Variants in AMPH observed in about 807,000 individuals in gnomAD.
AMPH encodes amphiphysin, also known as amphiphysin (Stiff-Mann syndrome with breast cancer 128kD autoantigen).
Under a neutral mutation model 99.1 loss-of-function variants are expected in AMPH, and 49 were observed. The observed-to-expected ratio is 0.49, with a 90% confidence interval of 0.39 to 0.63. AMPH has a LOEUF of 0.63. Ranked by LOEUF, AMPH falls within the 20% of genes least tolerant of loss-of-function variation. The pLI is 0.00. For synonymous variants in AMPH, 314 were observed against 317.3 expected, an observed-to-expected ratio of 0.99 and a Z score of 0.11; for missense variants, 759 against 863.4, an observed-to-expected ratio of 0.88 and a Z score of 1.52.
At chr7:38,502,982 T>C (rs9639797) in intron 3 of AMPH, among the ~76,000 whole-genome samples, 16,068 of 152,238 alleles carry the variant, frequency 0.11, 1,235 homozygotes, top group East Asian at 0.28. Flanking sequence ...TGATACATCA[T>C]ATCCGTGGGC....
Position 38,421,686 on chromosome 7 carries a change from C to G in AMPH, c.1272+735G>C, listed in dbSNP as rs149393428. On this transcript the variant is annotated intron_variant, in intron 16 of 20. Transcript: ENST00000356264. The stretch of plus-strand genomic sequence containing the variant: ...AGGCAGGAGCTAGGATAAGTATGCA[C>G]TATTCCCATGAGAAAACCATAGTGC... Among the ~76,000 whole-genome samples, 608 of 152,338 alleles carry G rather than the reference C, an allele frequency of 4.0e-3. 1 individual carries two copies. Among genetic ancestry groups the G allele is most frequent in the African/African-American group, 0.014 (582 of 41,574 alleles).
chr7:38,460,793 C>A (rs1280911497), intron 11 of AMPH, among the ~76,000 whole-genome samples: 1 of 152,100 alleles, frequency 6.6e-6, no homozygotes, highest in Non-Finnish European at 1.5e-5. Flanking sequence ...TATTCAATAG[C>A]AGATTAGGGT....
At chr7:38,535,043 T>G (rs1486501047) in intron 1 of AMPH, 32 bp from the exon 2 acceptor site, 6 of 1,574,714 alleles carry the variant, frequency 3.8e-6, no homozygotes, top group Non-Finnish European at 5.2e-6. Flanking sequence ...ATGGTTTAAT[T>G]TAATAATGTT....
chr7:38,589,140 TCTG>T lies in AMPH; in HGVS notation c.69+42140_69+42142del. On this transcript the variant is annotated intron_variant, in intron 1 of 20. Transcript: ENST00000356264. ...CTAATAAATTTAATTGATATTGAAG[TCTG>T]ACTATCCAACATTAAAGTAGAAATA... Among the ~76,000 whole-genome samples, 3 of 152,346 alleles carry T rather than the reference TCTG, an allele frequency of 2.0e-5. No homozygotes were observed. The East Asian group carries it at 5.8e-4, about 29-fold the overall frequency.
chr7:38,593,654 C>T (rs2129058853), intron 1 of AMPH, among the ~76,000 whole-genome samples: 1 of 152,294 alleles, frequency 6.6e-6, no homozygotes, highest in South Asian at 2.1e-4. Flanking sequence ...CACTTTCATT[C>T]GTTCATCAAC....
chr7:38,628,045 A>G (rs1474146323), intron 1 of AMPH, among the ~76,000 whole-genome samples: 1 of 152,226 alleles, frequency 6.6e-6, no homozygotes, highest in Non-Finnish European at 1.5e-5. Flanking sequence ...ACAATTTAAA[A>G]GTAAATAGAA....
intron 3 of AMPH, among the ~76,000 whole-genome samples, chr7:38,496,240 G>T (rs911473780): frequency 2.0e-5 from 3 of 152,212 alleles, no homozygotes; most frequent in Admixed American, 6.5e-5. Flanking sequence ...GGGTTCAACT[G>T]TGAGAGAAAA....
chr7:38,466,270 A>G (rs1369365474), intron 7 of AMPH, 22 bp from the exon 8 acceptor site: 4 of 1,562,188 alleles, frequency 2.6e-6, no homozygotes, highest in Admixed American at 4.0e-5. Context: ...AAACACAAAG[A>G]GGAAAGAAGA....
At chr7:38,616,120 A>G (rs1295839536) in intron 1 of AMPH, among the ~76,000 whole-genome samples, 1 of 152,150 alleles carries the variant, frequency 6.6e-6, no homozygotes, top group African/African-American at 2.4e-5. Flanking sequence ...AATCATCTAC[A>G]CAGACACCAT....
intron 2 of AMPH, among the ~76,000 whole-genome samples, chr7:38,518,592 T>A (rs6952029): frequency 1.3e-5 from 2 of 152,208 alleles, no homozygotes; most frequent in Non-Finnish European, 2.9e-5. Context: ...TGTCTATTTA[T>A]CCCCTTTAGA....
At chr7:38,409,149 C>G (rs969203651) in intron 17 of AMPH, among the ~76,000 whole-genome samples, 3 of 152,250 alleles carry the variant, frequency 2.0e-5, no homozygotes, top group Admixed American at 6.5e-5. Context: ...CCCTTTGGGC[C>G]TAGCTGTGTA....
At chr7:38,508,732 T>C (rs11760251) in intron 2 of AMPH, among the ~76,000 whole-genome samples, 18,939 of 152,268 alleles carry the variant, frequency 0.12, 1,609 homozygotes, top group Non-Finnish European at 0.19. Flanking sequence ...CATTTTTCTC[T>C]TGAAAATGGC....
intron 6 of AMPH, 92 bp from the exon 7 acceptor site, chr7:38,475,508 G>T (rs1021173943): frequency 3.0e-5 from 24 of 798,360 alleles, no homozygotes; most frequent in Non-Finnish European, 2.0e-6. Flanking sequence ...TAGTCTTATG[G>T]CATCTTGGAA....
At chr7:38,523,382 T>C (rs931779218) in intron 2 of AMPH, among the ~76,000 whole-genome samples, 3 of 152,130 alleles carry the variant, frequency 2.0e-5, no homozygotes, top group African/African-American at 7.2e-5. Flanking sequence ...CAGGATTTCT[T>C]GGAAAAATAA....
chr7:38,466,330 A>T (rs1444021104), intron 7 of AMPH, 82 bp from the exon 8 acceptor site: 1 of 1,136,486 alleles, frequency 8.8e-7, no homozygotes, highest in Non-Finnish European at 1.3e-6. Flanking sequence ...AATGAAATGT[A>T]TGAAAACCCA....
At position 38,417,704 on chromosome 7, in the gene AMPH, C is replaced by T. The variant is rs577246973; in HGVS notation, c.1398+121G>A. The T allele has an allele frequency of 8.4e-5, 111 of 1,315,982 alleles. 1 individual carries two copies. The highest frequency in any genetic ancestry group is 7.1e-4 in the East Asian group (30 of 42,084). 81.5% of individuals were successfully genotyped at this position (1,315,982 alleles called of 1,614,324 possible). ...GAAGGCTATTTGAACCTGGGAGCTA[C>T]GACAGATATGGAGCATGTTTGGCCC... On this transcript the variant is annotated intron_variant, in intron 17 of 20. Transcript: ENST00000356264.
intron 1 of AMPH, among the ~76,000 whole-genome samples, chr7:38,569,038 A>C (rs1169917957): frequency 6.6e-6 from 1 of 152,230 alleles, no homozygotes; most frequent in Non-Finnish European, 1.5e-5. Context: ...CTCCAACAGC[A>C]AAGTCCATGC....
chr7:38,461,284 T>G lies in AMPH; in HGVS notation c.1016A>C (p.Gln339Pro). 6.2e-7 allele frequency: 1 copy of G among 1,613,062 alleles called. No individual in the cohort carries two copies. ...ACCAGCCCTGAACCAGGCACTTACC[T>G]GGGAAGGTGTTGTCACACTGATTTC... is the stretch of plus-strand genomic sequence containing the variant. ...VPEISVTTPSQNEVPEVKKEE... is the reference protein window; with the variant it reads ...VPEISVTTPSPNEVPEVKKEE... The change falls in exon 11 of 21, where the codon CAG becomes CCG. Residue 339 changes from glutamine to proline, a missense_variant and splice_region_variant. Physicochemically the swap from Gln to Pro is moderately conservative, Grantham distance 76. Transcript: ENST00000356264.
At position 38,501,614 on chromosome 7, in the gene AMPH, T is replaced by G. The variant is rs142734576; in HGVS notation, c.205+2036A>C. ...AATATCTTTTAGTTTAAAAATCAAT[T>G]TTGCTAATTTTTATTATTTTGGCCA... On this transcript the variant is annotated intron_variant, in intron 3 of 20. Transcript: ENST00000356264. Among the ~76,000 whole-genome samples the G allele has an allele frequency of 3.7e-4, 57 of 152,252 alleles. No homozygotes were observed. In the East Asian group the frequency reaches 7.3e-3, roughly 20 times the overall value.
Sources: allele counts gnomAD v4.1 joint callset (sites outside exome capture counted in the v4.1 genomes callset), GRCh38; gene constraint gnomAD v4.1.1; transcripts MANE v1.5; gene names NCBI Gene and HGNC (gene_info 2026-07-23, HGNC 2026-07-21).